The following PPM1D variants were observed in gnomAD, a reference collection of about 807,000 sequenced individuals.
The protein encoded by PPM1D is protein phosphatase, Mg2+/Mn2+ dependent 1D.
PPM1D carries 52 observed loss-of-function variants against 58.3 expected under a neutral mutation model. The ratio of observed to expected loss-of-function variants is 0.89; its 90% CI spans 0.71 to 1.12. PPM1D has a LOEUF of 1.12. Among genes scored for constraint, PPM1D ranks in the 50% most tolerant of loss-of-function variants. The pLI, the probability that PPM1D is intolerant of heterozygous loss-of-function variation, is 0.00. For missense variants in PPM1D, 564 were observed against 777.2 expected (o/e 0.73, Z 3.26); for synonymous variants, 278 against 285.1 (o/e 0.98, Z 0.25).
At position 60,634,989 on chromosome 17, in the gene PPM1D, G is replaced by A. The variant is rs191173917; in HGVS notation, c.826+1012G>A. On this transcript the variant is annotated intron_variant, in intron 3 of 5. Coordinates refer to ENST00000305921, the MANE Select transcript of PPM1D (RefSeq NM_003620.4). ...GAGACGGGGTCTCACTGTGTTGCCC[G>A]GGGTGGTCCTGGGCTTAAGCCATCC... Among the ~76,000 whole-genome samples the A allele has an allele frequency of 4.7e-3, 709 of 151,712 alleles. 1 individual carries two copies. Among genetic ancestry groups the A allele is most frequent in the Middle Eastern group, 0.014 (4 of 292 alleles).
chr17:60,645,576 A>ATGTGTGTGTGTG (rs1399946662), intron 3 of PPM1D, among the ~76,000 whole-genome samples: 2 of 140,712 alleles, frequency 1.4e-5, no homozygotes, highest in African/African-American at 5.5e-5. Flanking sequence ...ATATATGTAT[A>ATGTGTGTGTGTG]TATATATGTG....
At chr17:60,619,031 A>G (rs2030642634) in intron 1 of PPM1D, among the ~76,000 whole-genome samples, 1 of 152,160 alleles carries the variant, frequency 6.6e-6, no homozygotes, top group Non-Finnish European at 1.5e-5. Context: ...TTTGACCAAC[A>G]TCTCCCCACT....
At chr17:60,613,175 A>C (rs1394791120) in intron 1 of PPM1D, among the ~76,000 whole-genome samples, 2 of 152,160 alleles carry the variant, frequency 1.3e-5, no homozygotes, top group Non-Finnish European at 2.9e-5. Context: ...TAAACCCTTT[A>C]AATAAGGGCT....
At chr17:60,617,906 T>C (rs7224907) in intron 1 of PPM1D, among the ~76,000 whole-genome samples, 7,092 of 152,288 alleles carry the variant, frequency 0.047, 586 homozygotes, top group African/African-American at 0.16. Flanking sequence ...CCTTTCTGAT[T>C]TCATATTTCT....
At chr17:60,607,668 CCTT>C (rs942216231) in intron 1 of PPM1D, among the ~76,000 whole-genome samples, 6 of 152,082 alleles carry the variant, frequency 3.9e-5, no homozygotes, top group African/African-American at 9.7e-5. Flanking sequence ...TTTCATTGTC[CCTT>C]CTTTTGATAG....
rs1024904529 is a variant in PPM1D at position 60,616,646 on chromosome 17, A to G, written c.473-6875A>G. Among the ~76,000 whole-genome samples, 136 of 152,314 alleles carry G rather than the reference A, an allele frequency of 8.9e-4. 2 individuals carry two copies. The highest frequency in any genetic ancestry group is 6.1e-3 in the Admixed American group (94 of 15,294). ...GAATTGAGGGATACTTAAACTACCA[A>G]TTATTAAAAAGTACTATAAATAGAT... is the stretch of plus-strand genomic sequence containing the variant. On this transcript the variant is annotated intron_variant, in intron 1 of 5. Coordinates refer to ENST00000305921, the MANE Select transcript of PPM1D (RefSeq NM_003620.4).
At position 60,656,841 on chromosome 17, in the gene PPM1D, G is replaced by T. The variant is rs1421171570; in HGVS notation, c.1260G>T (p.Lys420Asn). 6.2e-7 allele frequency: 1 copy of T among 1,613,916 alleles called. No homozygotes were observed. The highest frequency in any genetic ancestry group is 2.2e-5 in the East Asian group (1 of 44,886). The part of the protein sequence containing the change: ...TPSPCSTPPV[K>N]SLEEDPWPRV... The stretch of plus-strand genomic sequence containing the variant: ...CCCCATGTTCTACACCACCAGTCAA[G>T]GTATATAGTTCCATAGTTTTTAAGT... Residue 420 changes from lysine to asparagine, a missense_variant and splice_region_variant, in exon 5 of 6, where the codon AAG becomes AAT. Transcript: ENST00000305921.
intron 4 of PPM1D, among the ~76,000 whole-genome samples, chr17:60,649,082 T>C (rs758170827): frequency 3.3e-5 from 5 of 151,996 alleles, no homozygotes; most frequent in East Asian, 1.9e-4. Context: ...CTTCTACTAC[T>C]TTTTTTGTTT....
rs1239059536 is a variant in PPM1D, at chr17:60,661,258, TAGG to T, written c.1261-1734_1261-1732del. Among the ~76,000 whole-genome samples the T allele has an allele frequency of 7.3e-5, 11 of 150,984 alleles. No individual in the cohort carries two copies. In the East Asian group the frequency reaches 2.1e-3, roughly 29 times the overall value. ...AAAAAAAAGGAAAGGTGTTTATTTA[TAGG>T]AGATTTTATTTCGGAGAAAGATCAG... On this transcript the variant is annotated intron_variant, in intron 5 of 5. Transcript: ENST00000305921.
In PPM1D at chr17:60,600,367, C is replaced by T. The variant is rs895255733; in HGVS notation, c.-48C>T. On this transcript the variant is annotated 5_prime_UTR_variant, in exon 1 of 6. Transcript: ENST00000305921. ...GAGCGCCTAGTGTGTCTCCCGCCGC[C>T]GGATTCGGCGGGCTGCGTGGGACCG... is the stretch of plus-strand genomic sequence containing the variant. The T allele has an allele frequency of 2.6e-6, 4 of 1,536,968 alleles. No individual in the cohort carries two copies. The highest frequency in any genetic ancestry group is 2.6e-6 in the Non-Finnish European group (3 of 1,142,020).
At chr17:60,615,233 C>CA (rs2143639356) in intron 1 of PPM1D, among the ~76,000 whole-genome samples, 1 of 151,998 alleles carries the variant, frequency 6.6e-6, no homozygotes, top group East Asian at 1.9e-4. Flanking sequence ...CCCCTCTGTA[C>CA]AAAAAATACA....
chr17:60,648,604 C>T (rs980385704), intron 4 of PPM1D, among the ~76,000 whole-genome samples: 9 of 152,026 alleles, frequency 5.9e-5, no homozygotes, highest in Non-Finnish European at 8.8e-5. Flanking sequence ...AGGATGGTCT[C>T]GATCTGACCT....
At chr17:60,638,218 GTTTTAGTGATAA>G (rs1267293106) in intron 3 of PPM1D, among the ~76,000 whole-genome samples, 1 of 152,048 alleles carries the variant, frequency 6.6e-6, no homozygotes, top group African/African-American at 2.4e-5. Flanking sequence ...AGAGAAAATC[GTTTTAGTGATAA>G]AAAAGCTTTT....
chr17:60,634,470 A>G (rs1318220401), intron 3 of PPM1D, among the ~76,000 whole-genome samples: 3 of 152,142 alleles, frequency 2.0e-5, no homozygotes, highest in African/African-American at 7.2e-5. Context: ...TTCATGAGTC[A>G]CGTTCAATGT....
intron 3 of PPM1D, among the ~76,000 whole-genome samples, chr17:60,643,176 T>C (rs2031170957): frequency 6.6e-6 from 1 of 152,016 alleles, no homozygotes; most frequent in African/African-American, 2.4e-5. Flanking sequence ...GCTCAGGAGT[T>C]CGAGATCAGC....
intron 1 of PPM1D, among the ~76,000 whole-genome samples, chr17:60,617,182 T>C (rs2030602179): frequency 6.6e-6 from 1 of 151,632 alleles, no homozygotes; most frequent in Admixed American, 6.6e-5. Context: ...CAAGCTGGTC[T>C]CCTGGCCTCA....
intron 3 of PPM1D, among the ~76,000 whole-genome samples, chr17:60,636,527 G>T (rs1598407491): frequency 6.6e-6 from 1 of 152,132 alleles, no homozygotes; most frequent in Non-Finnish European, 1.5e-5. Context: ...TGCTATGAGG[G>T]TGGGGCCTGT....
At chr17:60,658,633 A>G (rs925675006) in intron 5 of PPM1D, among the ~76,000 whole-genome samples, 1 of 144,724 alleles carries the variant, frequency 6.9e-6, no homozygotes, top group Non-Finnish European at 1.5e-5. Context: ...GGGCAACAAC[A>G]GCAAAACCCC....
At chr17:60,625,878 G>C (rs1256059023) in intron 2 of PPM1D, among the ~76,000 whole-genome samples, 1 of 152,024 alleles carries the variant, frequency 6.6e-6, no homozygotes, top group Non-Finnish European at 1.5e-5. Flanking sequence ...CATTCATTTG[G>C]TTCAAATTCA....
Sources: allele counts gnomAD v4.1 joint callset (sites outside exome capture counted in the v4.1 genomes callset), GRCh38; gene constraint gnomAD v4.1.1; transcripts MANE v1.5; gene names NCBI Gene and HGNC (gene_info 2026-07-23, HGNC 2026-07-21).